The following GALNT17 variants were observed in gnomAD, a reference collection of about 807,000 sequenced individuals.
GALNT17 encodes the protein polypeptide N-acetylgalactosaminyltransferase 17.
GALNT17 carries 29 observed loss-of-function variants against 63.7 expected under a neutral mutation model. That is an observed-to-expected ratio of 0.46 (90% CI 0.34 to 0.62). The LOEUF (loss-of-function observed/expected upper bound fraction) is 0.62, where lower values mean the gene tolerates loss of function less well. Ranked by LOEUF, GALNT17 falls within the 20% of genes least tolerant of loss-of-function variation. GALNT17 has a pLI of 0.01. For missense variants in GALNT17, 603 were observed against 799.6 expected (o/e 0.75, Z 2.97); for synonymous variants, 305 against 318.3 (o/e 0.96, Z 0.45).
At chr7:71,447,410 A>G (rs553050570) in intron 5 of GALNT17, among the ~76,000 whole-genome samples, 2 of 152,310 alleles carry the variant, frequency 1.3e-5, no homozygotes, top group Admixed American at 6.5e-5. Flanking sequence ...GTGTCCACAT[A>G]ATGCTCAAAG....
intron 5 of GALNT17, among the ~76,000 whole-genome samples, chr7:71,465,709 A>C (rs1303925770): frequency 6.6e-6 from 1 of 152,320 alleles, no homozygotes; most frequent in East Asian, 1.9e-4. Context: ...AGATTTATTT[A>C]ACATGTATAC....
rs767956410 is a variant in GALNT17, at chr7:71,132,790, GC to G, written c.-11del. On this transcript the variant is annotated 5_prime_UTR_variant, in exon 1 of 11. Transcript: ENST00000333538. Reference sequence around the variant, plus strand: ...GGGCGCAGGTCCGGGGCGAGGGCCGGCCGGGCTGTTTGATGGCTTCACTGAG... The same window carrying G: ...GGGCGCAGGTCCGGGGCGAGGGCCGGCGGGCTGTTTGATGGCTTCACTGAG... 32 of 1,584,670 alleles carry G rather than the reference GC, an allele frequency of 2.0e-5. No homozygotes were observed. The highest frequency in any genetic ancestry group is 2.8e-5 in the Non-Finnish European group (32 of 1,162,854).
At chr7:71,235,486 A>G (rs572471268) in intron 1 of GALNT17, among the ~76,000 whole-genome samples, 40 of 152,204 alleles carry the variant, frequency 2.6e-4, no homozygotes, top group Non-Finnish European at 5.3e-4. Context: ...ATCTTTGTCC[A>G]GTGTTGCAAG....
At chr7:71,376,405 A>G (rs1792724990) in intron 2 of GALNT17, among the ~76,000 whole-genome samples, 1 of 146,886 alleles carries the variant, frequency 6.8e-6, no homozygotes, top group Non-Finnish European at 1.5e-5. Context: ...ATTGCTTAAT[A>G]AAACTTAAGG....
At chr7:71,607,849 C>T (rs776214371) in intron 6 of GALNT17, among the ~76,000 whole-genome samples, 3 of 152,140 alleles carry the variant, frequency 2.0e-5, no homozygotes, top group Non-Finnish European at 2.9e-5. Context: ...TTCCTTCTTC[C>T]TTCTTGATGG....
At chr7:71,271,149 A>G (rs1358561965) in intron 1 of GALNT17, among the ~76,000 whole-genome samples, 1 of 152,224 alleles carries the variant, frequency 6.6e-6, no homozygotes, top group Non-Finnish European at 1.5e-5. Flanking sequence ...AGCAGCTGAG[A>G]ATCACGATCT....
intron 1 of GALNT17, among the ~76,000 whole-genome samples, chr7:71,224,757 G>A (rs997405597): frequency 6.6e-6 from 1 of 152,128 alleles, no homozygotes; most frequent in Non-Finnish European, 1.5e-5. Flanking sequence ...TATGAGCTGA[G>A]GCTGGAACTG....
At chr7:71,239,583 G>A (rs1049306727) in intron 1 of GALNT17, among the ~76,000 whole-genome samples, 1 of 152,234 alleles carries the variant, frequency 6.6e-6, no homozygotes, top group African/African-American at 2.4e-5. Context: ...CTTTTCTTCT[G>A]AGAGGTTCCT....
chr7:71,200,167 C>T (rs1432138988), intron 1 of GALNT17, among the ~76,000 whole-genome samples: 1 of 152,076 alleles, frequency 6.6e-6, no homozygotes, highest in Non-Finnish European at 1.5e-5. Context: ...AAGAAGGTTT[C>T]CTCTGAATAA....
At chr7:71,353,237 T>A (rs1377464523) in intron 2 of GALNT17, among the ~76,000 whole-genome samples, 1 of 152,234 alleles carries the variant, frequency 6.6e-6, no homozygotes, top group Non-Finnish European at 1.5e-5. Flanking sequence ...GTTCACATTT[T>A]ACAATATTTA....
At chr7:71,642,915 T>G (rs1790623976) in intron 6 of GALNT17, among the ~76,000 whole-genome samples, 1 of 152,234 alleles carries the variant, frequency 6.6e-6, no homozygotes, top group Non-Finnish European at 1.5e-5. Flanking sequence ...GGCAGTGCCC[T>G]GCCTGTCATT....
At chr7:71,701,917 A>ATGTGTGTG (rs1412001707) in intron 9 of GALNT17, among the ~76,000 whole-genome samples, 3 of 136,252 alleles carry the variant, frequency 2.2e-5, no homozygotes, top group Admixed American at 7.6e-5. Context: ...ATATACATAT[A>ATGTGTGTG]TATATGTATA....
At chr7:71,448,355 G>T (rs112817757) in intron 5 of GALNT17, among the ~76,000 whole-genome samples, 1,780 of 148,090 alleles carry the variant, frequency 0.012, 33 homozygotes, top group African/African-American at 0.045. Flanking sequence ...TACTTCGTGT[G>T]TATGTGTGTG....
intron 1 of GALNT17, among the ~76,000 whole-genome samples, chr7:71,257,171 CT>C (rs1432483706): frequency 6.6e-6 from 1 of 152,164 alleles, no homozygotes; most frequent in Non-Finnish European, 1.5e-5. Flanking sequence ...CAACTTCAAT[CT>C]GTTCTTTTTT....
chr7:71,347,100 T>A (rs1314197179), intron 2 of GALNT17, among the ~76,000 whole-genome samples: 2 of 152,180 alleles, frequency 1.3e-5, no homozygotes, highest in Non-Finnish European at 2.9e-5. Flanking sequence ...AGGGGTGCCC[T>A]TTCCTTTAGT....
Position 71,322,364 on chromosome 7 carries a change from T to C in GALNT17, c.239-13186T>C, listed in dbSNP as rs150037344. Among the ~76,000 whole-genome samples the C allele has an allele frequency of 3.4e-3, 520 of 152,306 alleles. 5 individuals are homozygous for C. Among genetic ancestry groups the C allele is most frequent in the African/African-American group, 0.011 (461 of 41,576 alleles). ...AAGTTCATAATACATGTAAGACATG[T>C]CATTTTGAATAAAACCGCAGTTTGA... is the stretch of plus-strand genomic sequence containing the variant. On this transcript the variant is annotated intron_variant, in intron 1 of 10. Transcript: ENST00000333538.
intron 1 of GALNT17, among the ~76,000 whole-genome samples, chr7:71,193,662 TG>T (rs980959790): frequency 2.6e-5 from 4 of 151,984 alleles, no homozygotes; most frequent in African/African-American, 9.7e-5. Flanking sequence ...GATTCTCTCC[TG>T]GGGGGAAGAT....
intron 9 of GALNT17, among the ~76,000 whole-genome samples, chr7:71,679,805 C>T (rs1005557761): frequency 1.3e-5 from 2 of 151,982 alleles, no homozygotes; most frequent in African/African-American, 2.4e-5. Context: ...TCCTGGGCCC[C>T]ATCCCCAGAG....
At chr7:71,183,770 T>C (rs1796087) in intron 1 of GALNT17, among the ~76,000 whole-genome samples, 39,618 of 151,826 alleles carry the variant, frequency 0.26, 9,543 homozygotes, top group African/African-American at 0.65. Context: ...TGATGGCGGG[T>C]GCCTGTAATC....
Sources: allele counts gnomAD v4.1 joint callset (sites outside exome capture counted in the v4.1 genomes callset), GRCh38; gene constraint gnomAD v4.1.1; transcripts MANE v1.5; gene names NCBI Gene and HGNC (gene_info 2026-07-23, HGNC 2026-07-21).